Variants in CUL5 observed in about 807,000 individuals in gnomAD.
The protein encoded by CUL5 is cullin 5.
A neutral mutation model predicts 108.8 loss-of-function variants in CUL5; 26 were observed. The observed-to-expected ratio is 0.24, with a 90% CI of 0.18 to 0.33. The LOEUF (loss-of-function observed/expected upper bound fraction) is 0.33, where lower values mean the gene tolerates loss of function less well. Among genes scored for constraint, CUL5 ranks in the 10% least tolerant of loss-of-function variants. The pLI is 1.00. For synonymous variants in CUL5, 334 were observed against 298.0 expected (o/e 1.12, Z -1.25); for missense variants, 524 against 909.2 (o/e 0.58, Z 5.45).
chr11:108,073,746 T>G (rs1304428880), intron 10 of CUL5: 1 of 237,600 alleles, frequency 4.2e-6, no homozygotes, highest in Admixed American at 5.3e-5. Context: ...AAGAATGTTT[T>G]TCTGTTTTTG....
At chr11:108,017,627 A>T (rs1391499660) in intron 1 of CUL5, among the ~76,000 whole-genome samples, 1 of 151,482 alleles carries the variant, frequency 6.6e-6, no homozygotes. Flanking sequence ...AGGTGGGAAG[A>T]TCGCTTGAGC....
chr11:108,031,856 C>G (rs915206401), intron 1 of CUL5, among the ~76,000 whole-genome samples: 1 of 152,152 alleles, frequency 6.6e-6, no homozygotes, highest in African/African-American at 2.4e-5. Flanking sequence ...AGAACAAGAT[C>G]ATGTCCTTTG....
At position 108,072,323 on chromosome 11, in the gene CUL5, T is replaced by C. The variant is rs374199263; in HGVS notation, c.875-9T>C. On this transcript the variant is annotated splice_polypyrimidine_tract_variant and intron_variant, in intron 8 of 18. Transcript: ENST00000393094. The stretch of plus-strand genomic sequence containing the variant: ...GAAATGATTACATGAATGTGTTCTC[T>C]CCTTCCAGAATTACATTTAATGTTT... The C allele has an allele frequency of 8.8e-6, 14 of 1,589,102 alleles. No homozygotes were observed. In the African/African-American group the frequency reaches 1.9e-4, roughly 21 times the overall value.
Position 108,070,207 on chromosome 11 carries a change from TAA to T in CUL5, c.874+20_874+21del, listed in dbSNP as rs1863785334. On this transcript the variant is annotated intron_variant, in intron 8 of 18. Transcript: ENST00000393094. ...AACTGAAAGTAGGTAAAACATCACA[TAA>T]AGTTATCATAATCTTCTAAGAGGGT... 1.3e-6 allele frequency: 2 copies of T among 1,545,178 alleles called. No individual in the cohort carries two copies. Among genetic ancestry groups the T allele is most frequent in the South Asian group, 2.3e-5 (2 of 88,704 alleles).
intron 2 of CUL5, among the ~76,000 whole-genome samples, chr11:108,042,866 G>A (rs1218464080): frequency 4.6e-5 from 7 of 151,596 alleles, no homozygotes; most frequent in Admixed American, 2.6e-4. Flanking sequence ...GGGTTCAAGC[G>A]ATTCCCTTGC....
At chr11:108,065,501 T>G (rs1204325996) in intron 7 of CUL5, among the ~76,000 whole-genome samples, 3 of 152,162 alleles carry the variant, frequency 2.0e-5, no homozygotes, top group Admixed American at 6.6e-5. Flanking sequence ...CCCCTCTGTC[T>G]AGGGCTGGTC....
chr11:108,023,467 A>C (rs1007392263), intron 1 of CUL5, among the ~76,000 whole-genome samples: 4 of 152,212 alleles, frequency 2.6e-5, no homozygotes, highest in African/African-American at 9.7e-5. Flanking sequence ...ACGAAAACAA[A>C]ATTTTAAAAT....
At chr11:108,098,011 T>G (rs780980256) in intron 17 of CUL5, among the ~76,000 whole-genome samples, 32 of 152,230 alleles carry the variant, frequency 2.1e-4, no homozygotes, top group Admixed American at 7.9e-4. Flanking sequence ...TTTTGTGCTC[T>G]AAAGCAACTT....
chr11:108,028,870 T>C (rs1435240933), intron 1 of CUL5, among the ~76,000 whole-genome samples: 3 of 152,160 alleles, frequency 2.0e-5, no homozygotes, highest in Non-Finnish European at 4.4e-5. Flanking sequence ...TTGCTCAGAA[T>C]CTTTTAATGG....
At chr11:108,020,535 ATT>A (rs34112083) in intron 1 of CUL5, among the ~76,000 whole-genome samples, 1 of 148,184 alleles carries the variant, frequency 6.7e-6, no homozygotes. Flanking sequence ...TGTGTTTGTG[ATT>A]TTTTTTTTTT....
intron 10 of CUL5, chr11:108,073,917 G>T (rs1863886157): frequency 6.5e-6 from 1 of 154,788 alleles, no homozygotes; most frequent in East Asian, 1.9e-4. Flanking sequence ...TCCTTCGGGA[G>T]TTATGTTATA....
intron 15 of CUL5, 34 bp from the exon 16 acceptor site, chr11:108,095,496 A>T (rs1864469539): frequency 7.2e-7 from 1 of 1,381,158 alleles, no homozygotes; most frequent in African/African-American, 1.5e-5. Context: ...TCATCATGAG[A>T]TTCTTTATTA....
intron 7 of CUL5, among the ~76,000 whole-genome samples, chr11:108,057,593 A>G (rs1382476453): frequency 2.0e-5 from 3 of 152,224 alleles, no homozygotes; most frequent in South Asian, 4.1e-4. Context: ...TTGATAGCCT[A>G]CAAAATGACT....
At chr11:108,068,759 G>C (rs1863752742) in intron 7 of CUL5, among the ~76,000 whole-genome samples, 1 of 152,128 alleles carries the variant, frequency 6.6e-6, no homozygotes, top group Non-Finnish European at 1.5e-5. Flanking sequence ...AGGGAGCAGA[G>C]ATGACATGAT....
chr11:108,079,637 T>A (rs1864023993), intron 11 of CUL5, among the ~76,000 whole-genome samples: 5 of 152,186 alleles, frequency 3.3e-5, no homozygotes. Context: ...CATGCATAAA[T>A]CTTAAGTGTA....
intron 3 of CUL5, among the ~76,000 whole-genome samples, chr11:108,047,043 C>T (rs1205416747): frequency 6.6e-6 from 1 of 151,988 alleles, no homozygotes; most frequent in East Asian, 1.9e-4. Context: ...TGGGACAGGG[C>T]ACAGTAGCTC....
rs1427011157 is a variant in CUL5, at chr11:108,104,449, G to A, written c.*65G>A. On this transcript the variant is annotated 3_prime_UTR_variant, in exon 19 of 19. Transcript: ENST00000393094. The stretch of plus-strand genomic sequence containing the variant: ...GAGTGCTTGGGCAGAAAGTTGTAAA[G>A]TTTGTGCTGGAGAAAGGTTTATTTG... The A allele has an allele frequency of 9.9e-7, 1 of 1,014,148 alleles. No homozygotes were observed. Among genetic ancestry groups the A allele is most frequent in the Non-Finnish European group, 1.4e-6 (1 of 704,048 alleles). 62.8% of individuals were successfully genotyped at this position (1,014,148 alleles called of 1,614,324 possible).
chr11:108,014,442 G>C (rs1862131616), intron 1 of CUL5, among the ~76,000 whole-genome samples: 1 of 152,172 alleles, frequency 6.6e-6, no homozygotes, highest in South Asian at 2.1e-4. Flanking sequence ...GCTAGGCAAG[G>C]GGTTTGAAAT....
chr11:108,034,303 T>C (rs1274516055), intron 2 of CUL5, among the ~76,000 whole-genome samples: 2 of 152,200 alleles, frequency 1.3e-5, no homozygotes, highest in African/African-American at 4.8e-5. Context: ...CCAGAGAAGC[T>C]TATTGGAGAC....
Sources: allele counts gnomAD v4.1 joint callset (sites outside exome capture counted in the v4.1 genomes callset), GRCh38; gene constraint gnomAD v4.1.1; transcripts MANE v1.5; gene names NCBI Gene and HGNC (gene_info 2026-07-23, HGNC 2026-07-21).